Variants in DGKH observed in about 807,000 individuals in gnomAD.
DGKH encodes DAG kinase eta.
DGKH carries 90 observed loss-of-function variants against 159.3 expected under a neutral mutation model. The observed-to-expected ratio is 0.57, with a 90% confidence interval of 0.48 to 0.67. The LOEUF (loss-of-function observed/expected upper bound fraction) is 0.67, where lower values mean the gene tolerates loss of function less well. Among genes scored for constraint, DGKH ranks in the 30% least tolerant of loss-of-function variants. The pLI, the probability that DGKH is intolerant of heterozygous loss-of-function variation, is 0.00. For missense variants in DGKH, 1,181 were observed against 1,506.1 expected (o/e 0.78, Z 3.57); for synonymous variants, 536 against 553.8 (o/e 0.97, Z 0.45).
chr13:42,179,098 A>T (rs906746437), intron 13 of DGKH, among the ~76,000 whole-genome samples: 2 of 152,230 alleles, frequency 1.3e-5, no homozygotes, highest in African/African-American at 4.8e-5. Flanking sequence ...TTTTGACAAC[A>T]TATTCCCCAG....
At chr13:42,196,688 G>T (rs918424473) in intron 17 of DGKH, among the ~76,000 whole-genome samples, 16 of 152,156 alleles carry the variant, frequency 1.1e-4, no homozygotes, top group Non-Finnish European at 2.4e-4. Flanking sequence ...TAACGAAAAG[G>T]TTTTAGAATT....
chr13:42,181,760 C>A, intron 13 of DGKH: 1 of 760,836 alleles, frequency 1.3e-6, no homozygotes, highest in East Asian at 7.0e-5. Context: ...TCTGGACCAT[C>A]AGACCTGGCT....
chr13:42,042,376 A>G (rs566533477), intron 1 of DGKH, among the ~76,000 whole-genome samples: 3 of 152,204 alleles, frequency 2.0e-5, no homozygotes, highest in Non-Finnish European at 4.4e-5. Flanking sequence ...CATTTAGAAA[A>G]TTAGATAATT....
At position 42,237,540 on chromosome 13, in the gene DGKH, C is replaced by T. The variant is rs1047017315; in HGVS notation, c.*8352C>T. ...TTATATGATAGAAACACAAGGCACA[C>T]GTGAGCTGTATAGTGTGCTGAGCAC... On this transcript the variant is annotated 3_prime_UTR_variant, in exon 30 of 30. Coordinates refer to ENST00000337343, the MANE Select transcript of DGKH (RefSeq NM_178009.5). 3.3e-5 allele frequency: 5 copies of T among 152,290 alleles called. No homozygotes were observed. Among genetic ancestry groups the T allele is most frequent in the East Asian group, 1.9e-4 (1 of 5,188 alleles). The allele number at this position is 152,290 out of a possible 1,614,324, so 9.4% of individuals were successfully genotyped here. A position where few individuals can be genotyped will look rare whatever the true frequency, so the allele number is the denominator to read the frequency against.
chr13:42,059,214 A>G (rs1015025929), intron 1 of DGKH, among the ~76,000 whole-genome samples: 38 of 151,900 alleles, frequency 2.5e-4, no homozygotes, highest in Admixed American at 2.4e-3. Context: ...TGGTGTGTAT[A>G]GGCCACTGTC....
chr13:42,121,066 T>TACAC (rs377628213), intron 1 of DGKH, among the ~76,000 whole-genome samples: 2,343 of 144,828 alleles, frequency 0.016, 53 homozygotes, highest in African/African-American at 0.051. Context: ...ATATATATTA[T>TACAC]ACACACACAC....
intron 16 of DGKH, among the ~76,000 whole-genome samples, chr13:42,193,776 A>G (rs1311802089): frequency 6.6e-6 from 1 of 152,180 alleles, no homozygotes; most frequent in Non-Finnish European, 1.5e-5. Flanking sequence ...GAATGAGACA[A>G]TAGAGTGTAA....
At chr13:42,066,612 CAT>C (rs1247438105) in intron 1 of DGKH, 2 of 152,158 alleles carry the variant, frequency 1.3e-5, no homozygotes, top group Non-Finnish European at 2.9e-5. Context: ...TAATTTTTCA[CAT>C]GTGAAAAATT....
chr13:42,177,917 T>C (rs1426310538), intron 12 of DGKH, among the ~76,000 whole-genome samples: 1 of 152,232 alleles, frequency 6.6e-6, no homozygotes, highest in Non-Finnish European at 1.5e-5. Context: ...GGAGTTTTTA[T>C]GGATTTCTAT....
Position 42,216,292 on chromosome 13 carries a change from C to T in DGKH, c.3213+625C>T, listed in dbSNP as rs190734684. Among the ~76,000 whole-genome samples the T allele has an allele frequency of 3.8e-3, 573 of 152,352 alleles. 1 individual carries two copies. Among genetic ancestry groups the T allele is most frequent in the African/African-American group, 0.013 (549 of 41,582 alleles). On this transcript the variant is annotated intron_variant, in intron 26 of 29. Coordinates refer to ENST00000337343, the MANE Select transcript of DGKH (RefSeq NM_178009.5). ...ACCTCACCATTTTCAAGTATTCTAG[C>T]ATCTTGGCTCTTGCCGCCACCTAGA...
At chr13:42,165,634 T>C (rs1250243208) in intron 8 of DGKH, among the ~76,000 whole-genome samples, 1 of 152,148 alleles carries the variant, frequency 6.6e-6, no homozygotes, top group African/African-American at 2.4e-5. Flanking sequence ...GCTGTTAACA[T>C]TGGCGAAATT....
At chr13:42,043,730 C>T (rs937881762), upstream of DGKH, 8 of 152,132 alleles carry the variant, frequency 5.3e-5, no homozygotes, top group East Asian at 1.9e-4. Flanking sequence ...ATATTGAATA[C>T]GCTTAATATT....
At chr13:42,104,149 T>A (rs985643658) in intron 1 of DGKH, among the ~76,000 whole-genome samples, 4 of 152,202 alleles carry the variant, frequency 2.6e-5, no homozygotes, top group African/African-American at 9.6e-5. Flanking sequence ...ATTCAGGGAC[T>A]TAGGGAACAA....
chr13:42,189,917 C>G (rs1957021939), intron 15 of DGKH, among the ~76,000 whole-genome samples: 1 of 152,156 alleles, frequency 6.6e-6, no homozygotes, highest in Admixed American at 6.5e-5. Flanking sequence ...ATTCGTCCAC[C>G]TCAGCCTCCC....
chr13:42,109,639 T>C (rs1231660136), intron 1 of DGKH, among the ~76,000 whole-genome samples: 3 of 48,918 alleles, frequency 6.1e-5, no homozygotes, highest in Admixed American at 4.0e-4. Flanking sequence ...CATGTGCAGC[T>C]GTGCGTGCGT....
intron 1 of DGKH, among the ~76,000 whole-genome samples, chr13:42,061,115 G>T (rs6561031): frequency 0.57 from 86,439 of 151,904 alleles, 26,678 homozygotes; most frequent in East Asian, 0.96. Flanking sequence ...GAGTTTTATA[G>T]TCCCGTTTGA....
intron 3 of DGKH, among the ~76,000 whole-genome samples, chr13:42,149,399 A>T (rs1201558966): frequency 2.0e-5 from 3 of 152,182 alleles, no homozygotes; most frequent in African/African-American, 7.2e-5. Context: ...GGTTTAGAAG[A>T]TGACAGGAAC....
chr13:42,151,862 A>T (rs1032172282), intron 3 of DGKH, among the ~76,000 whole-genome samples: 1 of 152,078 alleles, frequency 6.6e-6, no homozygotes, highest in East Asian at 1.9e-4. Flanking sequence ...TTCTTTGAGA[A>T]ATCTCTATAC....
intron 3 of DGKH, among the ~76,000 whole-genome samples, chr13:42,146,864 T>G (rs1334775891): frequency 1.3e-5 from 2 of 152,238 alleles, no homozygotes; most frequent in Non-Finnish European, 2.9e-5. Flanking sequence ...TCATTCTAAA[T>G]ACATTTTGAA....
Sources: gnomAD v4.1 joint callset for allele counts (sites outside exome capture counted in the v4.1 genomes callset) on GRCh38, gnomAD v4.1.1 for gene constraint, MANE v1.5 for transcripts, NCBI Gene and HGNC (gene_info 2026-07-23, HGNC 2026-07-21) for gene names.